The following GYS2 variants were observed in gnomAD, a reference collection of about 807,000 sequenced individuals.
GYS2 encodes glycogen [starch] synthase, liver.
In GYS2, 80 loss-of-function variants were observed where a neutral mutation model predicts 85.6. The ratio of observed to expected loss-of-function variants is 0.93; its 90% CI spans 0.78 to 1.13. The LOEUF (loss-of-function observed/expected upper bound fraction) is 1.13. Among genes scored for constraint, GYS2 ranks in the 50% most tolerant of loss-of-function variants. The pLI is 0.00. For missense variants in GYS2, 881 were observed against 854.9 expected (o/e 1.03, Z -0.38); for synonymous variants, 328 against 300.7 (o/e 1.09, Z -0.94).
rs1050896862 is a variant in GYS2 at position 21,580,383 on chromosome 12, C to T, written c.262G>A (p.Val88Ile). 3 of 1,613,794 alleles carry T rather than the reference C, an allele frequency of 1.9e-6. No individual in the cohort carries two copies. The highest frequency in any genetic ancestry group is 2.5e-6 in the Non-Finnish European group (3 of 1,179,876). ...VEQCEPVNDA[V>I]RRAVDAMNKH... is the part of the protein sequence containing the mutation. ...TTCATTGCGTCCACTGCTCTTCTGA[C>T]AGCATCATTTACAGGTTCACACTGT... Residue 88 changes from valine (V) to isoleucine (I), a missense_variant, in exon 2 of 16, where the codon GTC (valine) becomes ATC (isoleucine). Coordinates refer to ENST00000261195, the MANE Select transcript of GYS2 (RefSeq NM_021957.4).
At chr12:21,540,037 C>T (rs755518345) in intron 14 of GYS2, among the ~76,000 whole-genome samples, 32 of 152,320 alleles carry the variant, frequency 2.1e-4, no homozygotes, top group Non-Finnish European at 4.1e-4. Flanking sequence ...TTACTCACTA[C>T]AGTTGAGAAA....
intron 11 of GYS2, among the ~76,000 whole-genome samples, chr12:21,555,321 T>C (rs1273958817): frequency 6.6e-6 from 1 of 152,170 alleles, no homozygotes; most frequent in African/African-American, 2.4e-5. Context: ...CTCTTAGAAA[T>C]TATTTCTGTC....
intron 11 of GYS2, among the ~76,000 whole-genome samples, chr12:21,551,150 TCCCTCCC>T (rs1297058024): frequency 9.9e-6 from 1 of 101,374 alleles, no homozygotes; most frequent in South Asian, 4.1e-4. Flanking sequence ...CCCAATGCTA[TCCCTCCC>T]CCCTCCCCCC....
At chr12:21,565,741 G>A (rs1363219294) in intron 5 of GYS2, among the ~76,000 whole-genome samples, 3 of 150,994 alleles carry the variant, frequency 2.0e-5, no homozygotes, top group South Asian at 2.1e-4. Context: ...TTTCACTTCC[G>A]TTCCATAATT....
At chr12:21,603,234 G>T (rs958636325) in intron 1 of GYS2, among the ~76,000 whole-genome samples, 2 of 152,060 alleles carry the variant, frequency 1.3e-5, no homozygotes, top group Non-Finnish European at 2.9e-5. Context: ...TCTGTAATAA[G>T]GTTTCTGTCC....
chr12:21,536,089 A>G (rs1460924032), downstream of GYS2: 2 of 152,188 alleles, frequency 1.3e-5, no homozygotes, highest in Admixed American at 6.6e-5. Flanking sequence ...TTTTTAAAGA[A>G]GGCATTATCA....
Position 21,558,258 on chromosome 12 carries a change from G to A in GYS2, c.1364C>T (p.Pro455Leu), listed in dbSNP as rs1319339393. 1.2e-5 allele frequency: 19 copies of A among 1,613,884 alleles called. No homozygotes were observed. Among genetic ancestry groups the A allele is most frequent in the Non-Finnish European group, 1.4e-5 (17 of 1,179,906 alleles). ...AATCCGTCTAATGGTGCTGAGGATG[G>A]GGTCGGTGGAGTCATCAATCATGTT... ...THNMIDDSTD[P>L]ILSTIRRIGL... is the part of the protein sequence containing the mutation. Residue 455 changes from proline to leucine, a missense_variant, in exon 11 of 16, where the codon CCC becomes CTC. Pro to Leu is a moderately conservative substitution (Grantham distance 98). Transcript: ENST00000261195.
chr12:21,594,375 C>T (rs1181709359), intron 1 of GYS2, among the ~76,000 whole-genome samples: 1 of 152,120 alleles, frequency 6.6e-6, no homozygotes, highest in East Asian at 1.9e-4. Context: ...CCAAAGCACT[C>T]TTAGCGCTGA....
chr12:21,574,232 G>A lies in GYS2; in HGVS notation c.590C>T (p.Pro197Leu). The change falls in exon 4 of 16, where the codon CCT (proline) becomes CTT (leucine). Residue 197 changes from proline to leucine, a missense_variant. Pro to Leu is a moderately conservative substitution (Grantham distance 98). Coordinates refer to ENST00000261195, the MANE Select transcript of GYS2 (RefSeq NM_021957.4). ...GLILSRARKL[P>L]IATIFTTHAT... ...GTGGGTTGTAAATATTGTGGCAATA[G>A]GAAGTTTCCTGGCTCGAGAAAGGAT... 2 of 1,613,466 alleles carry A rather than the reference G, an allele frequency of 1.2e-6. No homozygotes were observed. The highest frequency in any genetic ancestry group is 2.2e-5 in the East Asian group (1 of 44,866).
intron 11 of GYS2, among the ~76,000 whole-genome samples, chr12:21,548,747 A>G (rs1944071562): frequency 6.6e-6 from 1 of 152,128 alleles, no homozygotes; most frequent in African/African-American, 2.4e-5. Context: ...TTAAAAATGT[A>G]TATATACAGT....
intron 13 of GYS2, among the ~76,000 whole-genome samples, chr12:21,541,359 A>T (rs1488306354): frequency 6.7e-6 from 1 of 149,318 alleles, no homozygotes; most frequent in African/African-American, 2.4e-5. Context: ...TCTTGCTGCT[A>T]GGGAATATGA....
chr12:21,584,859 C>G (rs1309392652), intron 1 of GYS2, among the ~76,000 whole-genome samples: 1 of 152,218 alleles, frequency 6.6e-6, no homozygotes, highest in Non-Finnish European at 1.5e-5. Context: ...TCTGACCAAG[C>G]CACTCACTTT....
At chr12:21,602,671 T>C (rs1164595284) in intron 1 of GYS2, among the ~76,000 whole-genome samples, 1 of 151,776 alleles carries the variant, frequency 6.6e-6, no homozygotes, top group East Asian at 1.9e-4. Context: ...AAAGGCAGCT[T>C]AGGGGTTGAA....
At chr12:21,593,064 C>A (rs1446856417) in intron 1 of GYS2, among the ~76,000 whole-genome samples, 1 of 151,776 alleles carries the variant, frequency 6.6e-6, no homozygotes, top group Non-Finnish European at 1.5e-5. Context: ...AGAAGGAAAT[C>A]AAAAATTTTT....
downstream of GYS2, among the ~76,000 whole-genome samples, chr12:21,535,587 A>G (rs548689450): frequency 1.9e-4 from 29 of 152,268 alleles, no homozygotes; most frequent in African/African-American, 6.3e-4. Flanking sequence ...CTTGTATCCA[A>G]CAGTTTTCTA....
intron 3 of GYS2, among the ~76,000 whole-genome samples, chr12:21,575,315 G>C (rs911893040): frequency 5.9e-5 from 9 of 152,120 alleles, no homozygotes; most frequent in Non-Finnish European, 1.3e-4. Flanking sequence ...GCCTTACAAA[G>C]AGACAACTTA....
intron 8 of GYS2, 102 bp from the exon 9 acceptor site, chr12:21,559,812 ATTCTTTG>A: frequency 1.4e-6 from 1 of 738,160 alleles, no homozygotes; most frequent in Non-Finnish European, 2.4e-6. Flanking sequence ...TTGAAATTAC[ATTCTTTG>A]AAATTACAGG....
intron 1 of GYS2, among the ~76,000 whole-genome samples, chr12:21,586,729 T>C (rs1944578881): frequency 6.6e-6 from 1 of 152,154 alleles, no homozygotes; most frequent in Admixed American, 6.5e-5. Context: ...TTGGTAAGAA[T>C]GTAAATTAGT....
intron 1 of GYS2, among the ~76,000 whole-genome samples, chr12:21,596,615 C>T (rs945575620): frequency 1.3e-5 from 2 of 152,020 alleles, no homozygotes; most frequent in Admixed American, 6.6e-5. Context: ...TAATAAAAGC[C>T]ATCTGTGACA....
Sources: allele counts gnomAD v4.1 joint callset (sites outside exome capture counted in the v4.1 genomes callset), GRCh38; gene constraint gnomAD v4.1.1; transcripts MANE v1.5; gene names NCBI Gene and HGNC (gene_info 2026-07-23, HGNC 2026-07-21).